DUS1L: variants seen among roughly 807,000 people sequenced by gnomAD.
The protein encoded by DUS1L is dihydrouridine synthase 1 like.
A neutral mutation model predicts 61.2 loss-of-function variants in DUS1L; 56 were observed. That is an observed-to-expected ratio of 0.92 (90% CI 0.74 to 1.14). DUS1L has a LOEUF of 1.14. Ranked by LOEUF, DUS1L falls within the 50% of genes most tolerant of loss-of-function variation. The probability of loss-of-function intolerance (pLI) is 0.00; values close to 1 mark genes in which losing one functional copy is unlikely to be tolerated. For synonymous variants in DUS1L, 278 were observed against 259.5 expected (o/e 1.07, Z -0.69); for missense variants, 630 against 632.4 (o/e 1.00, Z 0.04).
At chr17:82,061,855 A>G (rs2033517642) in intron 6 of DUS1L, 46 bp downstream of exon 6, 1 of 1,587,278 alleles carries the variant, frequency 6.3e-7, no homozygotes, top group South Asian at 1.1e-5. Flanking sequence ...TGGGACCCCC[A>G]GCAAAGCCCC....
chr17:82,065,566 G>A (rs1464287425), intron 1 of DUS1L, 47 bp downstream of exon 1: 1 of 152,910 alleles, frequency 6.5e-6, no homozygotes, highest in Non-Finnish European at 1.5e-5. Flanking sequence ...GGCGGGCAGC[G>A]TTTGCTGTGT....
chr17:82,060,349 T>C (rs892650863), intron 10 of DUS1L: 3 of 591,540 alleles, frequency 5.1e-6, no homozygotes, highest in East Asian at 2.8e-5. Context: ...TGGCCACGGA[T>C]GGCCTCACCT....
intron 12 of DUS1L, 84 bp from the exon 13 acceptor site, chr17:82,058,500 A>T: frequency 1.4e-6 from 2 of 1,469,906 alleles, no homozygotes; most frequent in South Asian, 2.9e-5. Flanking sequence ...CCCACTGGGG[A>T]AGCCTCTGCC....
At position 82,059,944 on chromosome 17, in the gene DUS1L, T is replaced by TTA; in HGVS notation, c.1168+2_1168+3dup. On this transcript the variant is annotated splice_donor_region_variant and intron_variant, in intron 11 of 13. Transcript: ENST00000306796. ...TCGGGCCCATCAGCGGAAGCAGCAC[T>TTA]TACGCTTCAGAGAGGGGTCGAAGGT... 6.2e-7 allele frequency: 1 copy of TTA among 1,613,930 alleles called. No homozygotes were observed. Among genetic ancestry groups the TTA allele is most frequent in the East Asian group, 2.2e-5 (1 of 44,876 alleles).
intron 4 of DUS1L, 127 bp from the exon 5 acceptor site, chr17:82,063,100 C>A (rs535372952): frequency 2.5e-6 from 2 of 784,550 alleles, no homozygotes; most frequent in South Asian, 1.6e-5. Context: ...GGAGGCAGCC[C>A]GGGCCACCAT....
At chr17:82,059,738 A>C in intron 11 of DUS1L, 1 of 635,100 alleles carries the variant, frequency 1.6e-6, no homozygotes. Flanking sequence ...CACTGAGCCC[A>C]TGTCCCACAT....
At position 82,061,792 on chromosome 17, in the gene DUS1L, C is replaced by G. The variant is rs569973072; in HGVS notation, c.594-71G>C. On this transcript the variant is annotated intron_variant, in intron 6 of 13. Coordinates refer to ENST00000306796, the MANE Select transcript of DUS1L (RefSeq NM_022156.5). The stretch of plus-strand genomic sequence containing the variant: ...CAGGTGATGCTGCCCCCAGCCACGG[C>G]CCCCTGGGTGGTCACGGGCGTCAGG... 888 of 1,593,074 alleles carry G rather than the reference C, an allele frequency of 5.6e-4. 4 individuals are homozygous for G. In the African/African-American group the frequency reaches 0.011, roughly 19 times the overall value.
At chr17:82,061,531 G>T in intron 7 of DUS1L, 87 bp downstream of exon 7, 1 of 1,450,386 alleles carries the variant, frequency 6.9e-7, no homozygotes, top group South Asian at 1.2e-5. Flanking sequence ...CCATGGGGAG[G>T]GCAGTAGGCA....
In DUS1L at chr17:82,057,793, G is replaced by A. The variant is rs2033116788; in HGVS notation, c.*322C>T. On this transcript the variant is annotated 3_prime_UTR_variant, in exon 14 of 14. Coordinates refer to ENST00000306796, the MANE Select transcript of DUS1L (RefSeq NM_022156.5). ...TCATTTAGATGTATCCTGTTGTTCA[G>A]AAGCCCCCACTGGCCCCAACCGCAC... 1 of 256,914 alleles carries A rather than the reference G, an allele frequency of 3.9e-6. No individual in the cohort carries two copies. Among genetic ancestry groups the A allele is most frequent in the African/African-American group, 2.2e-5 (1 of 44,702 alleles). The allele number at this position is 256,914 out of a possible 1,614,324, so 15.9% of individuals were successfully genotyped here. A position where few individuals can be genotyped will look rare whatever the true frequency, so the allele number is the denominator to read the frequency against.
At chr17:82,058,439 G>C in intron 12 of DUS1L, 23 bp from the exon 13 acceptor site, 1 of 1,480,772 alleles carries the variant, frequency 6.8e-7, no homozygotes, top group Non-Finnish European at 9.0e-7. Flanking sequence ...AATCTCGGGA[G>C]CCTGTGGCCA....
rs766102627 is a variant in DUS1L, at chr17:82,060,089, T to C, written c.1027A>G (p.Arg343Gly). 6.2e-7 allele frequency: 1 copy of C among 1,612,560 alleles called. No individual in the cohort carries two copies. Among genetic ancestry groups the C allele is most frequent in the Non-Finnish European group, 8.5e-7 (1 of 1,179,594 alleles). The change falls in exon 11 of 14, where the codon AGG becomes GGG. Residue 343 changes from arginine (R) to glycine (G), a missense_variant. By Grantham distance (125) the Arg-to-Gly change is moderately radical. Coordinates refer to ENST00000306796, the MANE Select transcript of DUS1L (RefSeq NM_022156.5). The part of the protein sequence containing the change: ...ICQPYIRPGP[R>G]EGSKEKAGAR... ...CCTGCCTTCTCCTTGCTCCCCTCCCTGGGCCTGAGGGGAGGGCAGCGGGCA... is the reference window on the plus strand; with the variant it reads ...CCTGCCTTCTCCTTGCTCCCCTCCCCGGGCCTGAGGGGAGGGCAGCGGGCA...
rs757640736 is a variant in DUS1L, at chr17:82,058,767, C to G, written c.1206+14G>C. 1 of 1,613,168 alleles carries G rather than the reference C, an allele frequency of 6.2e-7. No individual in the cohort carries two copies. The highest frequency in any genetic ancestry group is 8.5e-7 in the Non-Finnish European group (1 of 1,179,926). On this transcript the variant is annotated intron_variant, in intron 12 of 13. Coordinates refer to ENST00000306796, the MANE Select transcript of DUS1L (RefSeq NM_022156.5). The stretch of plus-strand genomic sequence containing the variant: ...AGCTGAAGCCTTGGTGGCTTGCAGC[C>G]GGAACCCACTCACCTTTGGGTTTCC...
chr17:82,064,126 C>A lies in DUS1L; in HGVS notation c.346G>T (p.Gly116Cys). Reference sequence around the variant, plus strand: ...CCCCCATGCTCCACATGGAGCTCACCTCTCTTGGCTATCATCTGTGGGCAG... The same window carrying A: ...CCCCCATGCTCCACATGGAGCTCACATCTCTTGGCTATCATCTGTGGGCAG... ...LGCPQMIAKRGHYGAFLQDEW... is the reference protein window; with the variant it reads ...LGCPQMIAKRCHYGAFLQDEW... The change falls in exon 3 of 14, where the codon GGT becomes TGT. Residue 116 changes from glycine to cysteine, a missense_variant and splice_region_variant. Transcript: ENST00000306796. 6.2e-7 allele frequency: 1 copy of A among 1,611,690 alleles called. No individual in the cohort carries two copies. Among genetic ancestry groups the A allele is most frequent in the South Asian group, 1.1e-5 (1 of 90,914 alleles).
chr17:82,060,993 C>T, intron 8 of DUS1L, 32 bp from the exon 9 acceptor site: 1 of 1,597,934 alleles, frequency 6.3e-7, no homozygotes. Context: ...GCAGGCTGGG[C>T]TCCCGGCTCC....
chr17:82,063,147 C>T (rs867615136), intron 4 of DUS1L, 174 bp from the exon 5 acceptor site: 23 of 649,342 alleles, frequency 3.5e-5, no homozygotes, highest in Middle Eastern at 3.9e-4. Context: ...CAGGCTCCCT[C>T]CGCCATACCC....
chr17:82,058,918 T>C (rs2033260845), intron 11 of DUS1L, 100 bp from the exon 12 acceptor site: 2 of 1,146,668 alleles, frequency 1.7e-6, no homozygotes, highest in South Asian at 1.2e-5. Flanking sequence ...ATGGCGTCCA[T>C]GCCAGCTGTG....
chr17:82,063,012 G>C, intron 4 of DUS1L, 39 bp from the exon 5 acceptor site: 1 of 1,558,474 alleles, frequency 6.4e-7, no homozygotes, highest in Non-Finnish European at 8.8e-7. Flanking sequence ...GGGCCATGGT[G>C]TTCCCACTTT....
At position 82,064,847 on chromosome 17, in the gene DUS1L, G is replaced by C. The variant is rs2033692407; in HGVS notation, c.213C>G (p.Pro71=). 1.9e-6 allele frequency: 3 copies of C among 1,611,452 alleles called. No individual in the cohort carries two copies. The highest frequency in any genetic ancestry group is 1.1e-5 in the South Asian group (1 of 90,984). ...RKENLYCEVC[P]EDRPLIVQFC... ...CCTGCACGATGAGGGGCCGGTCCTCGGGGCACACCTCGCAGTACAGGTTCT... is the reference window on the plus strand; with the variant it reads ...CCTGCACGATGAGGGGCCGGTCCTCCGGGCACACCTCGCAGTACAGGTTCT... The change falls in exon 2 of 14, where the codon CCC becomes CCG. Residue 71 remains proline (P), a synonymous_variant. Coordinates refer to ENST00000306796, the MANE Select transcript of DUS1L (RefSeq NM_022156.5).
intron 11 of DUS1L, chr17:82,059,105 A>C: frequency 2.2e-6 from 1 of 465,112 alleles, no homozygotes; most frequent in Non-Finnish European, 4.0e-6. Flanking sequence ...TCCTACCCCC[A>C]GGCAGGGACA....
Sources: allele counts gnomAD v4.1 joint callset, GRCh38; gene constraint gnomAD v4.1.1; transcripts MANE v1.5; gene names NCBI Gene and HGNC (gene_info 2026-07-23, HGNC 2026-07-21).